EDA: variants seen among roughly 807,000 people sequenced by gnomAD.
EDA encodes ectodysplasin-A.
In EDA, 2 loss-of-function variants were observed where a neutral mutation model predicts 23.6. That is an observed-to-expected ratio of 0.08 (90% CI 0.03 to 0.27). EDA has a LOEUF of 0.27. Ranked by LOEUF, EDA falls within the 10% of genes least tolerant of loss-of-function variation. The probability of loss-of-function intolerance (pLI) is 1.00; values close to 1 mark genes in which losing one functional copy is unlikely to be tolerated. For missense variants in EDA, 229 were observed against 324.2 expected, an observed-to-expected ratio of 0.71 and a Z score of 2.26; for synonymous variants, 131 against 132.0, an observed-to-expected ratio of 0.99 and a Z score of 0.05.
chrX:69,936,287 A>G (rs1032842568), intron 1 of EDA, among the ~76,000 whole-genome samples: 2 of 111,368 alleles, frequency 1.8e-5, no homozygotes, highest in African/African-American at 6.5e-5. Context: ...GAAGTGTGCT[A>G]TCATAAAGTA....
chrX:69,675,056 T>A (rs775266226), intron 1 of EDA, among the ~76,000 whole-genome samples: 1 of 111,450 alleles, frequency 9.0e-6, no homozygotes, highest in African/African-American at 3.3e-5. Flanking sequence ...TGACCTTGGC[T>A]CATTGAAGCA....
At chrX:69,886,907 A>T (rs1197894105) in intron 1 of EDA, among the ~76,000 whole-genome samples, 1 of 112,167 alleles carries the variant, frequency 8.9e-6, no homozygotes, top group Non-Finnish European at 1.9e-5. Flanking sequence ...TGAAAGAGGA[A>T]TTTCCTTCAA....
chrX:69,923,324 G>A (rs1189221152), intron 1 of EDA, among the ~76,000 whole-genome samples: 1 of 109,890 alleles, frequency 9.1e-6, no homozygotes, highest in Non-Finnish European at 1.9e-5. Context: ...GGTGTGTGTT[G>A]TTCACCTCCC....
chrX:69,827,077 T>C (rs1459727836), intron 1 of EDA, among the ~76,000 whole-genome samples: 4 of 112,097 alleles, frequency 3.6e-5, no homozygotes, highest in African/African-American at 6.5e-5. Flanking sequence ...CCGTTGTTAG[T>C]CTGATGGGCT....
intron 1 of EDA, among the ~76,000 whole-genome samples, chrX:69,843,328 A>G (rs2016933419): frequency 2.7e-5 from 3 of 112,134 alleles, no homozygotes; most frequent in Non-Finnish European, 3.8e-5. Flanking sequence ...GCAGATGAAT[A>G]TATCTGTCAT....
At chrX:69,942,412 A>G (rs1442725520) in intron 1 of EDA, among the ~76,000 whole-genome samples, 5 of 111,022 alleles carry the variant, frequency 4.5e-5, no homozygotes, top group African/African-American at 1.6e-4. Context: ...TTTGTCTGGG[A>G]AAGTCTTTAT....
At chrX:69,758,079 T>G (rs1485690657) in intron 1 of EDA, among the ~76,000 whole-genome samples, 1 of 112,377 alleles carries the variant, frequency 8.9e-6, no homozygotes, top group Non-Finnish European at 1.9e-5. Context: ...GTATCCTGGA[T>G]GAAGGCCCTG....
intron 1 of EDA, among the ~76,000 whole-genome samples, chrX:69,808,454 A>G (rs899666144): frequency 5.4e-5 from 6 of 111,685 alleles, no homozygotes; most frequent in African/African-American, 2.0e-4. Flanking sequence ...AAGATTAATT[A>G]CATAGGCATG....
At chrX:69,705,315 C>T (rs2011675889) in intron 1 of EDA, among the ~76,000 whole-genome samples, 1 of 111,055 alleles carries the variant, frequency 9.0e-6, no homozygotes, top group African/African-American at 3.3e-5. Context: ...AAGACTAATG[C>T]TACAAAAGGA....
intron 2 of EDA, among the ~76,000 whole-genome samples, chrX:69,968,843 A>G (rs2019210241): frequency 8.9e-6 from 1 of 112,339 alleles, no homozygotes; most frequent in Non-Finnish European, 1.9e-5. Context: ...CTCTTAGCTG[A>G]CTTAGAGAAC....
At chrX:69,822,616 T>G (rs1324977232) in intron 1 of EDA, among the ~76,000 whole-genome samples, 1 of 112,103 alleles carries the variant, frequency 8.9e-6, no homozygotes, top group East Asian at 2.8e-4. Flanking sequence ...GAATGATGAT[T>G]GTCTGTATGG....
At chrX:70,028,922 C>G (rs1352997475) in intron 4 of EDA, among the ~76,000 whole-genome samples, 9 of 112,640 alleles carry the variant, frequency 8.0e-5, no homozygotes, top group Non-Finnish European at 3.7e-5. Flanking sequence ...GATTCAGATT[C>G]TTTAACTTGT....
Position 69,682,882 on chromosome X carries a change from C to T in EDA, c.396+66178C>T, listed in dbSNP as rs189790691. On this transcript the variant is annotated intron_variant, in intron 1 of 7. Coordinates refer to ENST00000374552, the MANE Select transcript of EDA (RefSeq NM_001399.5). ...CTCTTATATCTTCCAAATAAAGTGA[C>T]TTGCTGCTCCTTGAGTTTAGTGTTT... is the stretch of plus-strand genomic sequence containing the variant. Among the ~76,000 whole-genome samples the T allele has an allele frequency of 1.3e-4, 15 of 111,579 alleles. No individual in the cohort carries two copies. In the Admixed American group the frequency reaches 1.4e-3, roughly 11 times the overall value.
intron 1 of EDA, chrX:69,937,943 C>T: frequency 6.7e-6 from 8 of 1,201,318 alleles, no homozygotes; most frequent in Non-Finnish European, 9.0e-6. Context: ...GATGAATTTT[C>T]TTCATCTCTT....
In EDA at chrX:69,866,509, C is replaced by T. The variant is rs1018183046; in HGVS notation, c.397-90518C>T. 5.4e-5 allele frequency among the ~76,000 whole-genome samples: 6 copies of T among 111,198 alleles called. No individual in the cohort carries two copies. In the South Asian group the frequency reaches 1.2e-3, roughly 21 times the overall value. On this transcript the variant is annotated intron_variant, in intron 1 of 7. Transcript: ENST00000374552. ...TCTAGGCCAGCAGAACGTAATGTTGCGGGAACAGGAGGCAAAAATTTTGCT... is the reference window on the plus strand; with the variant it reads ...TCTAGGCCAGCAGAACGTAATGTTGTGGGAACAGGAGGCAAAAATTTTGCT...
At chrX:69,630,149 T>C (rs1377171019) in intron 1 of EDA, among the ~76,000 whole-genome samples, 1 of 111,231 alleles carries the variant, frequency 9.0e-6, no homozygotes, top group African/African-American at 3.3e-5. Flanking sequence ...GTTATGTACG[T>C]GTCTGTGTTT....
At chrX:69,811,217 A>G (rs2147502663) in intron 1 of EDA, among the ~76,000 whole-genome samples, 1 of 112,254 alleles carries the variant, frequency 8.9e-6, no homozygotes, top group South Asian at 3.7e-4. Context: ...TAAGGCATAC[A>G]ACCAATGGTC....
At chrX:69,955,336 G>T (rs143295025) in intron 1 of EDA, among the ~76,000 whole-genome samples, 1,306 of 111,938 alleles carry the variant, frequency 0.012, 21 homozygotes, top group African/African-American at 0.04. Context: ...AAAAATGGCA[G>T]TTTATTTTGA....
intron 1 of EDA, among the ~76,000 whole-genome samples, chrX:69,701,813 GAC>G (rs2011540964): frequency 9.0e-6 from 1 of 111,481 alleles, no homozygotes; most frequent in African/African-American, 3.3e-5. Flanking sequence ...CCTGCAAGGA[GAC>G]ACACAATCAT....
Sources: gnomAD v4.1 joint callset for allele counts (sites outside exome capture counted in the v4.1 genomes callset) on GRCh38, gnomAD v4.1.1 for gene constraint, MANE v1.5 for transcripts, NCBI Gene and HGNC (gene_info 2026-07-23, HGNC 2026-07-21) for gene names.